Variants in TCF7L2 observed in about 807,000 individuals in gnomAD.
The protein encoded by TCF7L2 is transcription factor 7-like 2.
TCF7L2 carries 23 observed loss-of-function variants against 77.9 expected under a neutral mutation model. The ratio of observed to expected loss-of-function variants is 0.30; its 90% confidence interval spans 0.21 to 0.42. The LOEUF (loss-of-function observed/expected upper bound fraction) is 0.42. Ranked by LOEUF, TCF7L2 falls within the 10% of genes least tolerant of loss-of-function variation. The pLI, the probability that TCF7L2 is intolerant of heterozygous loss-of-function variation, is 1.00. For synonymous variants in TCF7L2, 413 were observed against 340.2 expected (o/e 1.21, Z -2.36); for missense variants, 654 against 793.1 (o/e 0.82, Z 2.11).
intron 3 of TCF7L2, among the ~76,000 whole-genome samples, chr10:112,954,742 A>G (rs547791665): frequency 6.6e-6 from 1 of 152,354 alleles, no homozygotes; most frequent in South Asian, 2.1e-4. Flanking sequence ...AAATAGGAAT[A>G]TGGTGGTTGA....
intron 5 of TCF7L2, among the ~76,000 whole-genome samples, chr10:113,105,595 G>C (rs1041069776): frequency 6.6e-6 from 1 of 152,118 alleles, no homozygotes; most frequent in African/African-American, 2.4e-5. Flanking sequence ...GTTCTGCCTG[G>C]TGACCAGGGA....
chr10:113,076,574 T>G (rs918714573), intron 5 of TCF7L2, among the ~76,000 whole-genome samples: 1 of 152,268 alleles, frequency 6.6e-6, no homozygotes, highest in African/African-American at 2.4e-5. Flanking sequence ...TCTTTCTAAA[T>G]GCTGTTCTTG....
intron 4 of TCF7L2, among the ~76,000 whole-genome samples, chr10:113,038,558 C>A (rs1431147951): frequency 6.6e-6 from 1 of 152,194 alleles, no homozygotes; most frequent in East Asian, 1.9e-4. Flanking sequence ...ATGGCTTTGG[C>A]ACTTCTGTCT....
intron 3 of TCF7L2, among the ~76,000 whole-genome samples, chr10:112,956,680 G>A (rs1056632500): frequency 2.0e-5 from 3 of 152,094 alleles, no homozygotes; most frequent in Non-Finnish European, 2.9e-5. Context: ...AGGCAAACTC[G>A]CACCTCGACA....
intron 5 of TCF7L2, among the ~76,000 whole-genome samples, chr10:113,098,805 T>C (rs761804440): frequency 5.3e-5 from 8 of 152,248 alleles, no homozygotes; most frequent in Non-Finnish European, 8.8e-5. Flanking sequence ...TATAAATTCG[T>C]ATTATTGCCA....
chr10:113,110,495 C>T (rs1045487502), intron 5 of TCF7L2, among the ~76,000 whole-genome samples: 3 of 150,030 alleles, frequency 2.0e-5, no homozygotes, highest in South Asian at 2.1e-4. Context: ...TATATTTATA[C>T]GTGAGACACA....
At chr10:113,035,930 G>A (rs1293572809) in intron 4 of TCF7L2, among the ~76,000 whole-genome samples, 1 of 152,286 alleles carries the variant, frequency 6.6e-6, no homozygotes, top group East Asian at 1.9e-4. Flanking sequence ...TTGCTGTCTG[G>A]CACTTTGCAG....
intron 3 of TCF7L2, among the ~76,000 whole-genome samples, chr10:112,957,286 CTTTAA>C (rs1358129959): frequency 2.3e-5 from 3 of 128,924 alleles, no homozygotes; most frequent in Non-Finnish European, 4.6e-5. Flanking sequence ...GGAGACGGCT[CTTTAA>C]TTTATATGAT....
intron 3 of TCF7L2, among the ~76,000 whole-genome samples, chr10:112,956,607 A>G (rs1195406148): frequency 1.3e-5 from 2 of 152,062 alleles, no homozygotes; most frequent in African/African-American, 4.8e-5. Context: ...TATGTAAGTA[A>G]ATCTTCAACT....
chr10:113,150,900 T>G, intron 8 of TCF7L2, 98 bp from the exon 9 acceptor site: 1 of 1,522,448 alleles, frequency 6.6e-7, no homozygotes, highest in Non-Finnish European at 8.9e-7. Context: ...ATGTGAGTGT[T>G]ACGTGCTGTT....
intron 6 of TCF7L2, among the ~76,000 whole-genome samples, chr10:113,142,166 G>A (rs568852911): frequency 3.3e-5 from 5 of 152,068 alleles, no homozygotes; most frequent in African/African-American, 4.8e-5. Context: ...CACCATACCC[G>A]GCTAATTTTT....
intron 4 of TCF7L2, among the ~76,000 whole-genome samples, chr10:112,983,285 C>G (rs1200315936): frequency 6.6e-6 from 1 of 151,870 alleles, no homozygotes; most frequent in Non-Finnish European, 1.5e-5. Context: ...TCCTGGCTAA[C>G]ACGGTGAAAC....
intron 5 of TCF7L2, among the ~76,000 whole-genome samples, chr10:113,072,217 G>A (rs1249434259): frequency 1.3e-5 from 2 of 151,412 alleles, no homozygotes; most frequent in East Asian, 2.0e-4. Flanking sequence ...CACCACGCCC[G>A]ACTAATTTTT....
chr10:113,086,951 G>A (rs1458216337), intron 5 of TCF7L2, among the ~76,000 whole-genome samples: 1 of 151,992 alleles, frequency 6.6e-6, no homozygotes, highest in Non-Finnish European at 1.5e-5. Context: ...AGGGGGTGGT[G>A]GGAAAGTGTG....
intron 3 of TCF7L2, among the ~76,000 whole-genome samples, chr10:112,959,710 C>G (rs2034569987): frequency 6.6e-6 from 1 of 152,100 alleles, no homozygotes; most frequent in African/African-American, 2.4e-5. Context: ...GGCAGTCACC[C>G]AAAGTCTTGG....
chr10:113,147,556 A>G (rs941256341), intron 8 of TCF7L2, among the ~76,000 whole-genome samples: 2 of 152,224 alleles, frequency 1.3e-5, no homozygotes, highest in African/African-American at 4.8e-5. Context: ...GAGGAGGCGT[A>G]ACACTTATTA....
intron 3 of TCF7L2, chr10:112,951,918 C>CTAT (rs2031661629): frequency 4.6e-5 from 7 of 151,262 alleles, no homozygotes; most frequent in Admixed American, 4.6e-4. Context: ...AAGAACTTTC[C>CTAT]TTTGCGTTCT....
At chr10:112,971,984 G>A (rs936025171) in intron 4 of TCF7L2, among the ~76,000 whole-genome samples, 2 of 151,684 alleles carry the variant, frequency 1.3e-5, no homozygotes, top group South Asian at 4.2e-4. Context: ...GCAGTGGTGC[G>A]ATCTCGGCTC....
At chr10:112,962,308 G>A (rs972702164) in intron 3 of TCF7L2, among the ~76,000 whole-genome samples, 4 of 152,110 alleles carry the variant, frequency 2.6e-5, no homozygotes, top group African/African-American at 4.8e-5. Context: ...TGAATCAGGC[G>A]ATTGGAAAAG....
Sources: allele counts gnomAD v4.1 joint callset (sites outside exome capture counted in the v4.1 genomes callset), GRCh38; gene constraint gnomAD v4.1.1; transcripts MANE v1.5; gene names NCBI Gene and HGNC (gene_info 2026-07-23, HGNC 2026-07-21).